The following ITGA7 variants were observed in gnomAD, a reference collection of about 807,000 sequenced individuals.
ITGA7 encodes integrin subunit alpha 7.
Under a neutral mutation model 131.6 loss-of-function variants are expected in ITGA7, and 84 were observed. The ratio of observed to expected loss-of-function variants is 0.64; its 90% CI spans 0.54 to 0.77. The LOEUF (loss-of-function observed/expected upper bound fraction) is 0.77. Ranked by LOEUF, ITGA7 falls within the 30% of genes least tolerant of loss-of-function variation. The pLI is 0.00. For synonymous variants in ITGA7, 548 were observed against 600.7 expected (o/e 0.91, Z 1.28); for missense variants, 1,399 against 1,482.9 (o/e 0.94, Z 0.93).
At chr12:55,685,895 A>G (rs1447473950) in intron 24 of ITGA7, among the ~76,000 whole-genome samples, 1 of 152,194 alleles carries the variant, frequency 6.6e-6, no homozygotes, top group Non-Finnish European at 1.5e-5. Flanking sequence ...CTCAGACTGC[A>G]TGGCATCTCC....
chr12:55,703,196 G>C lies in ITGA7; in HGVS notation c.207-18C>G. 3.7e-6 allele frequency: 6 copies of C among 1,605,550 alleles called. No homozygotes were observed. Among genetic ancestry groups the C allele is most frequent in the Non-Finnish European group, 5.1e-6 (6 of 1,179,826 alleles). On this transcript the variant is annotated intron_variant, in intron 1 of 24. Coordinates refer to ENST00000257879, the MANE Select transcript of ITGA7 (RefSeq NM_002206.3). The stretch of plus-strand genomic sequence containing the variant: ...CCAGCAGCCTGCAAGATGGGGCAGG[G>C]GCAGGGACAGGGACAGGAGTTAGAG...
At chr12:55,693,906 CA>C (rs1872035527) in intron 19 of ITGA7, 114 bp downstream of exon 19, 1 of 860,832 alleles carries the variant, frequency 1.2e-6, no homozygotes, top group Admixed American at 2.0e-5. Context: ...ACAGAGGCCT[CA>C]AACTGCATGC....
At position 55,685,099 on chromosome 12, in the gene ITGA7, C is replaced by T. The variant is rs371203166; in HGVS notation, c.3373G>A (p.Glu1125Lys). 54 of 1,606,422 alleles carry T rather than the reference C, an allele frequency of 3.4e-5. No homozygotes were observed. Among genetic ancestry groups the T allele is most frequent in the Non-Finnish European group, 4.1e-5 (48 of 1,177,656 alleles). Residue 1125 changes from glutamate (E) to lysine (K), a missense_variant, in exon 25 of 25, where the codon GAG becomes AAG. Transcript: ENST00000257879. ...HPILAADGHP[E>K]LGPDGHPGPG... ...CCTGGATGCCCATCGGGGCCCAGCT[C>T]GGGATGCCCGTCAGCAGCCAGGATG...
Position 55,695,651 on chromosome 12 carries a change from T to A in ITGA7, c.1888-14A>T. On this transcript the variant is annotated splice_polypyrimidine_tract_variant and intron_variant, in intron 13 of 24. Coordinates refer to ENST00000257879, the MANE Select transcript of ITGA7 (RefSeq NM_002206.3). ...CAGGAAGTGGATCTGGGGAGAGACA[T>A]GAGATAAGGGGCATTCCTAGGGGGC... 2 of 1,591,634 alleles carry A rather than the reference T, an allele frequency of 1.3e-6. No homozygotes were observed. Among genetic ancestry groups the A allele is most frequent in the Non-Finnish European group, 1.7e-6 (2 of 1,159,700 alleles).
intron 7 of ITGA7, 74 bp from the exon 8 acceptor site, chr12:55,698,100 C>A (rs1476578705): frequency 4.5e-6 from 6 of 1,323,314 alleles, no homozygotes; most frequent in Middle Eastern, 1.8e-4. Flanking sequence ...CAACTCCCCC[C>A]AGTCACTCAG....
At position 55,685,154 on chromosome 12, in the gene ITGA7, G is replaced by A. The variant is rs1229031292; in HGVS notation, c.3318C>T (p.Ser1106=). ...TGTILRNNWG[S]PRREGPDAHP... is the part of the protein sequence containing the mutation. ...GTGCATCCGGGCCCTCCCGCCGGGG[G>A]CTGCCCCAGTTGTTCCTCAGGATGG... The change falls in exon 25 of 25, where the codon AGC becomes AGT. Residue 1106 remains serine (S), a synonymous_variant. Transcript: ENST00000257879. The A allele has an allele frequency of 6.2e-7, 1 of 1,613,832 alleles. No homozygotes were observed. The highest frequency in any genetic ancestry group is 8.5e-7 in the Non-Finnish European group (1 of 1,180,036).
intron 3 of ITGA7, 171 bp downstream of exon 3, chr12:55,702,701 T>C (rs1292231948): frequency 6.0e-6 from 4 of 663,902 alleles, no homozygotes; most frequent in Non-Finnish European, 1.1e-5. Flanking sequence ...TTTTTACATT[T>C]ATAAGGACAA....
rs1195249159 is a variant in ITGA7 at position 55,697,947 on chromosome 12, T to C, written c.1272A>G (p.Lys424=). 6.2e-7 allele frequency: 1 copy of C among 1,614,032 alleles called. No individual in the cohort carries two copies. Among genetic ancestry groups the C allele is most frequent in the East Asian group, 2.2e-5 (1 of 44,862 alleles). The change falls in exon 8 of 25, where the codon AAA becomes AAG. Residue 424 remains lysine, a synonymous_variant. Coordinates refer to ENST00000257879, the MANE Select transcript of ITGA7 (RefSeq NM_002206.3). The stretch of plus-strand genomic sequence containing the variant: ...CAGCGACTCCCCTCACCTGTGAAGG[T>C]TTGGCGACAACCCCCAGGCTGCTCC... ...YHGSSLGVVA[K]PSQVLEGEAV... is the part of the protein sequence containing the mutation.
chr12:55,712,261 G>A (rs1251453737), upstream of ITGA7: 1 of 1,550,882 alleles, frequency 6.4e-7, no homozygotes, highest in Admixed American at 2.0e-5. Flanking sequence ...ACTTACCAAA[G>A]GGAGCCATTT....
chr12:55,702,816 AACAC>A (rs138614852), intron 3 of ITGA7, 52 bp downstream of exon 3: 215 of 1,347,338 alleles, frequency 1.6e-4, no homozygotes, highest in South Asian at 4.5e-4. Context: ...ACACACCATA[AACAC>A]ACACACACAC....
upstream of ITGA7, chr12:55,715,889 G>A (rs978386578): frequency 1.1e-6 from 1 of 874,906 alleles, no homozygotes; most frequent in Non-Finnish European, 1.6e-6. Context: ...GGCAATATAA[G>A]TATTAGAAAA....
upstream of ITGA7, among the ~76,000 whole-genome samples, chr12:55,711,632 AAAAAAG>A (rs1298972802): frequency 2.6e-5 from 4 of 152,220 alleles, no homozygotes; most frequent in East Asian, 3.8e-4. Flanking sequence ...CTGTCTCAAA[AAAAAAG>A]AAAAAGAAAA....
chr12:55,712,232 T>G, upstream of ITGA7: 1 of 1,551,494 alleles, frequency 6.4e-7, no homozygotes. Context: ...CCTTAACACT[T>G]GAGAAGGACT....
intron 24 of ITGA7, among the ~76,000 whole-genome samples, chr12:55,686,553 T>C (rs2135941597): frequency 6.6e-6 from 1 of 152,304 alleles, no homozygotes; most frequent in South Asian, 2.1e-4. Flanking sequence ...GCTCAGTCTC[T>C]GATTGGTCCC....
rs762923857 is a variant in ITGA7 at position 55,688,896 on chromosome 12, C to T, written c.2906G>A (p.Arg969His). ...GCCCCAGACATGCAGCACAGCCGCG[C>T]GGTCAAAGCTGTAGAGTGGGCAGCT... is the stretch of plus-strand genomic sequence containing the variant. ...VFSCPLYSFD[R>H]AAVLHVWGRL... is the part of the protein sequence containing the mutation. Residue 969 changes from arginine (R) to histidine (H), a missense_variant, in exon 22 of 25, where the codon CGC becomes CAC. Arg to His is a conservative substitution (Grantham distance 29). Coordinates refer to ENST00000257879, the MANE Select transcript of ITGA7 (RefSeq NM_002206.3). 1.9e-5 allele frequency: 30 copies of T among 1,613,890 alleles called. No individual in the cohort carries two copies. The East Asian group carries it at 4.9e-4, about 26-fold the overall frequency.
At chr12:55,707,940 AG>A, upstream of ITGA7, 1 of 1,356,644 alleles carries the variant, frequency 7.4e-7, no homozygotes, top group Non-Finnish European at 9.5e-7. Context: ...GACGCCACTC[AG>A]GCCCCGCCTC....
Position 55,700,992 on chromosome 12 carries a change from G to T in ITGA7, c.577C>A (p.Gln193Lys). ...GTGCCCTGCTGGCAGAACCCAAATT[G>T]TTCATGGCCTTGGGGGCGTCCCTCA... The part of the protein sequence containing the change: ...FCEGRPQGHE[Q>K]FGFCQQGTAA... The change falls in exon 4 of 25, where the codon CAA becomes AAA. Residue 193 changes from glutamine to lysine, a missense_variant. Coordinates refer to ENST00000257879, the MANE Select transcript of ITGA7 (RefSeq NM_002206.3). The T allele has an allele frequency of 6.2e-7, 1 of 1,614,228 alleles. No individual in the cohort carries two copies. Among genetic ancestry groups the T allele is most frequent in the East Asian group, 2.2e-5 (1 of 44,882 alleles).
Position 55,703,074 on chromosome 12 carries a change from T to A in ITGA7, c.311A>T (p.Tyr104Phe), listed in dbSNP as rs1275046957. ...CPLSLEETDC[Y>F]RVDIDQGADM... Reference sequence around the variant, plus strand: ...ACCTCCCTGGTCGATGTCCACTCTGTAGCAGTCAGTCTCCTCCAGGCTCAA... The same window carrying A: ...ACCTCCCTGGTCGATGTCCACTCTGAAGCAGTCAGTCTCCTCCAGGCTCAA... The change falls in exon 2 of 25, where the codon TAC becomes TTC. Residue 104 changes from tyrosine (Y) to phenylalanine (F), a missense_variant. Transcript: ENST00000257879. The A allele has an allele frequency of 2.5e-6, 4 of 1,614,112 alleles. No homozygotes were observed. The highest frequency in any genetic ancestry group is 3.4e-6 in the Non-Finnish European group (4 of 1,180,034).
chr12:55,702,746 T>A (rs1252587187), intron 3 of ITGA7, 126 bp downstream of exon 3: 4 of 791,442 alleles, frequency 5.1e-6, no homozygotes, highest in African/African-American at 1.7e-5. Flanking sequence ...ATCTCCCTGA[T>A]GTACTTGGAA....
Sources: gnomAD v4.1 joint callset for allele counts (sites outside exome capture counted in the v4.1 genomes callset) on GRCh38, gnomAD v4.1.1 for gene constraint, MANE v1.5 for transcripts, NCBI Gene and HGNC (gene_info 2026-07-23, HGNC 2026-07-21) for gene names.